XRCC4: variants seen among roughly 807,000 people sequenced by gnomAD.
XRCC4 encodes X-ray repair cross complementing 4, also known as DNA repair protein XRCC4.
In XRCC4, 28 loss-of-function variants were observed where a neutral mutation model predicts 39.1. That is an observed-to-expected ratio of 0.72 (90% CI 0.53 to 0.98). XRCC4 has a LOEUF of 0.98. XRCC4 is among the 50% of genes least tolerant of loss of function. XRCC4 has a pLI of 0.00. For synonymous variants in XRCC4, 123 were observed against 126.4 expected (o/e 0.97, Z 0.18); for missense variants, 350 against 376.4 (o/e 0.93, Z 0.58).
At chr5:83,339,335 GTCT>G (rs750494387) in intron 7 of XRCC4, among the ~76,000 whole-genome samples, 33 of 152,046 alleles carry the variant, frequency 2.2e-4, no homozygotes, top group Non-Finnish European at 3.7e-4. Flanking sequence ...TCACACATGA[GTCT>G]TCTTTAAAAA....
intron 6 of XRCC4, among the ~76,000 whole-genome samples, chr5:83,220,327 A>G (rs1338790073): frequency 1.3e-5 from 2 of 152,154 alleles, no homozygotes; most frequent in African/African-American, 2.4e-5. Context: ...TTAAATGTCT[A>G]TAATATAATA....
At chr5:83,292,249 A>G (rs1754946692) in intron 7 of XRCC4, among the ~76,000 whole-genome samples, 1 of 151,820 alleles carries the variant, frequency 6.6e-6, no homozygotes, top group Non-Finnish European at 1.5e-5. Flanking sequence ...TCATGTTGGC[A>G]TTATTGAACC....
chr5:83,276,070 A>G (rs1245210971), intron 7 of XRCC4, among the ~76,000 whole-genome samples: 3 of 152,154 alleles, frequency 2.0e-5, no homozygotes, highest in South Asian at 4.1e-4. Context: ...TGACTTTATG[A>G]TGGTACAAAA....
In XRCC4 at chr5:83,192,287, C is replaced by T. The variant is rs188878084; in HGVS notation, c.316-3483C>T. Among the ~76,000 whole-genome samples, 193 of 136,112 alleles carry T rather than the reference C, an allele frequency of 1.4e-3. 4 individuals are homozygous for T. Among genetic ancestry groups the T allele is most frequent in the Admixed American group, 0.012 (159 of 13,566 alleles). 89.3% of individuals were successfully genotyped at this position (136,112 alleles called of 152,430 possible). On this transcript the variant is annotated intron_variant, in intron 3 of 7. Transcript: ENST00000396027. ...ACATATGTATACATATATGTATATA[C>T]GTATGTATACGTATATATAATATAT...
At chr5:83,321,089 A>G (rs1392208988) in intron 7 of XRCC4, among the ~76,000 whole-genome samples, 1 of 152,086 alleles carries the variant, frequency 6.6e-6, no homozygotes, top group Non-Finnish European at 1.5e-5. Context: ...GATTACAGGC[A>G]TTAGCAAGTT....
intron 7 of XRCC4, among the ~76,000 whole-genome samples, chr5:83,266,171 G>A (rs760682436): frequency 6.6e-6 from 1 of 151,552 alleles, no homozygotes; most frequent in Non-Finnish European, 1.5e-5. Context: ...ATACATGGCC[G>A]GCAAAGTTAT....
At position 83,155,812 on chromosome 5, in the gene XRCC4, T is replaced by C. The variant is rs529005455; in HGVS notation, c.316-39958T>C. 2.6e-5 allele frequency among the ~76,000 whole-genome samples: 4 copies of C among 152,276 alleles called. No individual in the cohort carries two copies. In the East Asian group the frequency reaches 7.7e-4, roughly 29 times the overall value. ...AAACTGTATTTAAAAGAATGATTTC[T>C]TTCAAAAATAATTTAAAAAATAGTT... On this transcript the variant is annotated intron_variant, in intron 3 of 7. Coordinates refer to ENST00000396027, the MANE Select transcript of XRCC4 (RefSeq NM_003401.5).
the XRCC4 span, among the ~76,000 whole-genome samples, chr5:83,372,732 A>G: frequency 1.3e-5 from 2 of 152,332 alleles, no homozygotes; most frequent in Admixed American, 1.3e-4. Context: ...TATAATTTCT[A>G]GCATGACACA....
intron 1 of XRCC4, among the ~76,000 whole-genome samples, chr5:83,099,053 T>C (rs1294117191): frequency 6.6e-6 from 1 of 152,192 alleles, no homozygotes; most frequent in African/African-American, 2.4e-5. Flanking sequence ...TTTTCTCTTT[T>C]AAGAATAAAA....
intron 6 of XRCC4, among the ~76,000 whole-genome samples, chr5:83,221,948 T>G (rs1752101219): frequency 6.6e-6 from 1 of 151,854 alleles, no homozygotes; most frequent in Non-Finnish European, 1.5e-5. Context: ...TCGTAATGCT[T>G]CTTTCCTTAA....
chr5:83,327,670 A>G (rs1484751144), intron 7 of XRCC4, among the ~76,000 whole-genome samples: 1 of 152,080 alleles, frequency 6.6e-6, no homozygotes, highest in Non-Finnish European at 1.5e-5. Context: ...TATGATGAAA[A>G]AGTTTAATTT....
chr5:83,179,367 C>T (rs995969047), intron 3 of XRCC4, among the ~76,000 whole-genome samples: 6 of 152,038 alleles, frequency 3.9e-5, no homozygotes, highest in Non-Finnish European at 5.9e-5. Context: ...GAGGCAAAGA[C>T]ATGAAGGTGA....
intron 7 of XRCC4, among the ~76,000 whole-genome samples, chr5:83,302,582 C>T (rs1363288701): frequency 6.6e-6 from 1 of 152,166 alleles, no homozygotes; most frequent in Non-Finnish European, 1.5e-5. Context: ...GCAGAAATCA[C>T]CTGGCTTCCG....
intron 7 of XRCC4, chr5:83,280,353 C>T: frequency 2.1e-6 from 1 of 479,952 alleles, no homozygotes; most frequent in Admixed American, 3.4e-5. Flanking sequence ...CTAGATCATG[C>T]ATTTCCTTCA....
chr5:83,234,460 G>T (rs1752612749), intron 6 of XRCC4, among the ~76,000 whole-genome samples: 1 of 151,902 alleles, frequency 6.6e-6, no homozygotes, highest in Non-Finnish European at 1.5e-5. Context: ...GCAGTGGCTG[G>T]TCACAGTAAA....
chr5:83,324,265 G>T (rs1424292561), intron 7 of XRCC4, among the ~76,000 whole-genome samples: 2 of 151,992 alleles, frequency 1.3e-5, no homozygotes, highest in Non-Finnish European at 2.9e-5. Flanking sequence ...ATACTATAAA[G>T]AACATGAATG....
At chr5:83,249,652 CCT>C (rs1363044706) in intron 6 of XRCC4, among the ~76,000 whole-genome samples, 5 of 152,190 alleles carry the variant, frequency 3.3e-5, no homozygotes, top group African/African-American at 7.2e-5. Flanking sequence ...TCTTCCTACC[CCT>C]GTTAGTGATC....
chr5:83,098,911 A>G (rs1745800873), intron 1 of XRCC4, among the ~76,000 whole-genome samples: 2 of 152,204 alleles, frequency 1.3e-5, no homozygotes, highest in Non-Finnish European at 2.9e-5. Context: ...TCAGAAGTGA[A>G]TAGCCTAGTG....
At chr5:83,301,270 T>C (rs1451992554) in intron 7 of XRCC4, among the ~76,000 whole-genome samples, 1 of 152,230 alleles carries the variant, frequency 6.6e-6, no homozygotes, top group African/African-American at 2.4e-5. Context: ...ATGATCACCA[T>C]TCTTACTGGC....
Sources: allele counts gnomAD v4.1 joint callset (sites outside exome capture counted in the v4.1 genomes callset), GRCh38; gene constraint gnomAD v4.1.1; transcripts MANE v1.5; gene names NCBI Gene and HGNC (gene_info 2026-07-23, HGNC 2026-07-21).